Variants in DYNLT2B observed in about 807,000 individuals in gnomAD.
DYNLT2B encodes the protein dynein light chain Tctex-type 2B, also known as dynein light chain Tctex-type protein 2B.
DYNLT2B carries 14 observed loss-of-function variants against 19.5 expected under a neutral mutation model. That is an observed-to-expected ratio of 0.72 (90% CI 0.47 to 1.12). DYNLT2B has a LOEUF of 1.12. Among genes scored for constraint, DYNLT2B ranks in the 50% most tolerant of loss-of-function variants. DYNLT2B has a pLI of 0.00. For missense variants in DYNLT2B, 133 were observed against 174.7 expected (o/e 0.76, Z 1.35); for synonymous variants, 70 against 59.7 (o/e 1.17, Z -0.79).
chr3:196,293,829 G>C (rs1361700957), intron 4 of DYNLT2B, among the ~76,000 whole-genome samples: 2 of 150,052 alleles, frequency 1.3e-5, no homozygotes, highest in East Asian at 4.2e-4. Context: ...ATTTTTAGTA[G>C]AGACGGGGTT....
intron 2 of DYNLT2B, among the ~76,000 whole-genome samples, chr3:196,313,835 C>T (rs1054395266): frequency 3.3e-5 from 5 of 152,146 alleles, no homozygotes; most frequent in Admixed American, 3.3e-4. Context: ...CAGTGGCTCA[C>T]GCCTGTAATT....
At chr3:196,291,734 T>G (rs1264675485) in intron 4 of DYNLT2B, among the ~76,000 whole-genome samples, 2 of 152,142 alleles carry the variant, frequency 1.3e-5, no homozygotes, top group Admixed American at 1.3e-4. Context: ...CCCATGTTGG[T>G]CTCCAAAAGT....
intron 2 of DYNLT2B, 123 bp downstream of exon 2, chr3:196,315,975 G>T: frequency 9.4e-7 from 1 of 1,060,492 alleles, no homozygotes; most frequent in Non-Finnish European, 1.3e-6. Flanking sequence ...AAAGTGTTGG[G>T]ATTGTAGGCG....
chr3:196,293,096 C>T (rs1726134608), intron 4 of DYNLT2B, among the ~76,000 whole-genome samples: 1 of 152,098 alleles, frequency 6.6e-6, no homozygotes, highest in Admixed American at 6.5e-5. Flanking sequence ...TCAGGTGATC[C>T]ACCCGCCTCG....
chr3:196,294,453 A>G (rs761980465), intron 4 of DYNLT2B, among the ~76,000 whole-genome samples: 2 of 152,260 alleles, frequency 1.3e-5, no homozygotes, highest in Non-Finnish European at 2.9e-5. Context: ...TCTGGCAGTC[A>G]GCAGAATCAT....
At chr3:196,315,423 C>T (rs1726756658) in intron 2 of DYNLT2B, 1 of 299,434 alleles carries the variant, frequency 3.3e-6, no homozygotes, top group Non-Finnish European at 6.5e-6. Context: ...CCACCACACC[C>T]AGCTATTTTT....
intron 3 of DYNLT2B, among the ~76,000 whole-genome samples, chr3:196,306,739 C>T (rs1296958933): frequency 1.3e-5 from 2 of 151,908 alleles, no homozygotes; most frequent in Non-Finnish European, 2.9e-5. Flanking sequence ...CGGGGTTTCG[C>T]CATGTTGGCC....
rs750693495 is a variant in DYNLT2B, at chr3:196,318,026, C to T, written c.113+14G>A. 6.7e-7 allele frequency: 1 copy of T among 1,483,084 alleles called. No individual in the cohort carries two copies. 91.9% of individuals were successfully genotyped at this position (1,483,084 alleles called of 1,614,324 possible). On this transcript the variant is annotated intron_variant, in intron 1 of 4. Transcript: ENST00000325318. ...CGCTCGAGGTCGCCCCGCCACAGCC[C>T]GTCCTCTACCCGCCTCTGCTGGAAA...
At chr3:196,295,546 A>T (rs1046624894) in intron 4 of DYNLT2B, among the ~76,000 whole-genome samples, 2 of 152,208 alleles carry the variant, frequency 1.3e-5, no homozygotes, top group Non-Finnish European at 2.9e-5. Context: ...TTACTACTAA[A>T]AAAAAATGAC....
intron 1 of DYNLT2B, 90 bp downstream of exon 1, chr3:196,317,950 C>A: frequency 1.4e-6 from 1 of 690,114 alleles, no homozygotes; most frequent in Non-Finnish European, 2.0e-6. Context: ...GCGTCCCCCG[C>A]GCTCCTTCCG....
intron 2 of DYNLT2B, among the ~76,000 whole-genome samples, chr3:196,313,960 T>G (rs1196032433): frequency 2.0e-5 from 3 of 151,780 alleles, no homozygotes; most frequent in Non-Finnish European, 4.4e-5. Flanking sequence ...TAGCCGGGCA[T>G]GGTGGCACTT....
intron 4 of DYNLT2B, among the ~76,000 whole-genome samples, chr3:196,292,829 A>G (rs1726128810): frequency 6.6e-6 from 1 of 151,982 alleles, no homozygotes; most frequent in Non-Finnish European, 1.5e-5. Context: ...CTCTGCCTCT[A>G]CTAATGTTTC....
At position 196,316,890 on chromosome 3, in the gene DYNLT2B, A is replaced by AGTGTGTGTGTGTGTGTGTGTGTGT. The variant is rs377469506; in HGVS notation, c.114-660_114-659insACACACACACACACACACACACAC. 6.3e-4 allele frequency among the ~76,000 whole-genome samples: 47 copies of AGTGTGTGTGTGTGTGTGTGTGTGT among 74,230 alleles called. 5 individuals carry two copies. The highest frequency in any genetic ancestry group is 2.4e-3 in the African/African-American group (45 of 18,896). 48.7% of individuals were successfully genotyped at this position (74,230 alleles called of 152,430 possible). ...GGCCCGTGAGCCTGACATTTTTTTC[A>AGTGTGTGTGTGTGTGTGTGTGTGT]GTGTGTGTGTGTGTGTGTTGTGTGG... On this transcript the variant is annotated intron_variant, in intron 1 of 4. Transcript: ENST00000325318.
At chr3:196,306,757 T>C (rs1325170004) in intron 3 of DYNLT2B, among the ~76,000 whole-genome samples, 186 bp downstream of exon 3, 7 of 151,880 alleles carry the variant, frequency 4.6e-5, no homozygotes, top group African/African-American at 1.7e-4. Flanking sequence ...GCCAGGCTGG[T>C]CTTGAACTCC....
chr3:196,297,818 C>A (rs1011944653), intron 3 of DYNLT2B, among the ~76,000 whole-genome samples: 1 of 152,170 alleles, frequency 6.6e-6, no homozygotes, highest in African/African-American at 2.4e-5. Flanking sequence ...CCCATACCCA[C>A]AGAGAAACAT....
chr3:196,317,816 G>A (rs1482169853), intron 1 of DYNLT2B, among the ~76,000 whole-genome samples: 1 of 152,108 alleles, frequency 6.6e-6, no homozygotes, highest in Non-Finnish European at 1.5e-5. Flanking sequence ...CGCGCCCGGC[G>A]CCCAAACACT....
At chr3:196,302,200 A>G (rs1726374507) in intron 3 of DYNLT2B, among the ~76,000 whole-genome samples, 1 of 152,182 alleles carries the variant, frequency 6.6e-6, no homozygotes, top group Non-Finnish European at 1.5e-5. Flanking sequence ...GAAAAGACCA[A>G]ACATACATGT....
In DYNLT2B at chr3:196,297,487, T is replaced by C. The variant is rs558690628; in HGVS notation, c.318-1418A>G. Among the ~76,000 whole-genome samples the C allele has an allele frequency of 2.0e-5, 3 of 152,288 alleles. No homozygotes were observed. The East Asian group carries it at 5.8e-4, about 29-fold the overall frequency. On this transcript the variant is annotated intron_variant, in intron 3 of 4. Coordinates refer to ENST00000325318, the MANE Select transcript of DYNLT2B (RefSeq NM_152773.5). ...CTGCAGTGAGCCAAGATTGTGCCACTGCACTCCAGCCTTGGCGACAGAGTG... is the reference window on the plus strand; with the variant it reads ...CTGCAGTGAGCCAAGATTGTGCCACCGCACTCCAGCCTTGGCGACAGAGTG...
At chr3:196,304,155 T>TA (rs1726424530) in intron 3 of DYNLT2B, among the ~76,000 whole-genome samples, 1 of 152,036 alleles carries the variant, frequency 6.6e-6, no homozygotes, top group Non-Finnish European at 1.5e-5. Flanking sequence ...TTTTTTGAGA[T>TA]AGAGTTTCAC....
Sources: gnomAD v4.1 joint callset for allele counts (sites outside exome capture counted in the v4.1 genomes callset) on GRCh38, gnomAD v4.1.1 for gene constraint, MANE v1.5 for transcripts, NCBI Gene and HGNC (gene_info 2026-07-23, HGNC 2026-07-21) for gene names.